The following TNC variants were observed in gnomAD, a reference collection of about 807,000 sequenced individuals.
TNC encodes the protein tenascin.
A neutral mutation model predicts 202.4 loss-of-function variants in TNC; 109 were observed. The observed-to-expected ratio is 0.54, with a 90% CI of 0.46 to 0.63. The LOEUF (loss-of-function observed/expected upper bound fraction) is 0.63, where lower values mean the gene tolerates loss of function less well. Ranked by LOEUF, TNC falls within the 30% of genes least tolerant of loss-of-function variation. The pLI is 0.00. For missense variants in TNC, 2,756 were observed against 2,833.3 expected (o/e 0.97, Z 0.62); for synonymous variants, 1,007 against 1,089.7 (o/e 0.92, Z 1.50).
intron 8 of TNC, 120 bp from the exon 9 acceptor site, chr9:115,076,241 AAAG>A (rs1833841829): frequency 7.0e-7 from 1 of 1,419,998 alleles, no homozygotes; most frequent in Admixed American, 1.7e-5. Context: ...ATGTTTTACA[AAAG>A]AACTCACTGC....
intron 15 of TNC, among the ~76,000 whole-genome samples, chr9:115,056,738 C>A (rs147315910): frequency 6.6e-6 from 1 of 152,078 alleles, no homozygotes; most frequent in African/African-American, 2.4e-5. Flanking sequence ...TTGGGTATTG[C>A]GAGGTCCAAG....
rs1388936020 is a variant in TNC at position 115,077,978 on chromosome 9, A to G, written c.2639T>C (p.Met880Thr). 3 of 1,614,034 alleles carry G rather than the reference A, an allele frequency of 1.9e-6. No homozygotes were observed. The highest frequency in any genetic ancestry group is 1.7e-5 in the Admixed American group (1 of 60,000). Reference sequence around the variant, plus strand: ...GGTCTCTTTGGCTGGGTTGCTTGACATGTCACCTCTGCGGGAGATGAGGGA... The same window carrying G: ...GGTCTCTTTGGCTGGGTTGCTTGACGTGTCACCTCTGCGGGAGATGAGGGA... ...EVSLISRRGDMSSNPAKETFT... is the reference protein window; with the variant it reads ...EVSLISRRGDTSSNPAKETFT... The change falls in exon 7 of 28, where the codon ATG (methionine) becomes ACG (threonine). Residue 880 changes from methionine to threonine, a missense_variant. Met to Thr is a moderately conservative substitution (Grantham distance 81). Transcript: ENST00000350763.
At chr9:115,078,855 G>A (rs1416356282) in intron 6 of TNC, among the ~76,000 whole-genome samples, 1 of 152,160 alleles carries the variant, frequency 6.6e-6, no homozygotes, top group African/African-American at 2.4e-5. Flanking sequence ...AGCACATTAT[G>A]CTGTTGGGCA....
intron 26 of TNC, among the ~76,000 whole-genome samples, chr9:115,026,099 C>G (rs1829456584): frequency 6.6e-6 from 1 of 152,190 alleles, no homozygotes; most frequent in Non-Finnish European, 1.5e-5. Flanking sequence ...GATGCAGAAT[C>G]TCAGCCCCAT....
At chr9:115,108,200 G>T (rs1836761041) in intron 1 of TNC, among the ~76,000 whole-genome samples, 1 of 152,272 alleles carries the variant, frequency 6.6e-6, no homozygotes. Flanking sequence ...AGATCTAGAT[G>T]AACAAGAGCA....
chr9:115,067,315 C>A (rs1355422767), intron 10 of TNC, among the ~76,000 whole-genome samples: 1 of 151,628 alleles, frequency 6.6e-6, no homozygotes, highest in Non-Finnish European at 1.5e-5. Context: ...CCTATGTCTT[C>A]TTAGCTCTCC....
chr9:115,072,256 G>A (rs1833523637), intron 10 of TNC, among the ~76,000 whole-genome samples: 1 of 152,172 alleles, frequency 6.6e-6, no homozygotes, highest in Admixed American at 6.5e-5. Context: ...GAACACAGAT[G>A]GAATGGCTGT....
chr9:115,109,757 T>G (rs1020579730), intron 1 of TNC, among the ~76,000 whole-genome samples: 1 of 152,226 alleles, frequency 6.6e-6, no homozygotes, highest in Non-Finnish European at 1.5e-5. Context: ...TGAGACAGTT[T>G]CCTGTCCTAG....
chr9:115,077,022 C>T (rs981829762), intron 7 of TNC, among the ~76,000 whole-genome samples: 4 of 151,834 alleles, frequency 2.6e-5, no homozygotes, highest in African/African-American at 9.7e-5. Flanking sequence ...CTCAGCCTCC[C>T]GAGTACCTGG....
intron 5 of TNC, among the ~76,000 whole-genome samples, 186 bp downstream of exon 5, chr9:115,082,502 CACTT>C (rs1256958474): frequency 6.6e-6 from 1 of 152,182 alleles, no homozygotes; most frequent in Non-Finnish European, 1.5e-5. Context: ...GTAAGTGCTA[CACTT>C]ACTTATTAAA....
At chr9:115,110,958 C>T (rs200927814) in intron 1 of TNC, among the ~76,000 whole-genome samples, 2 of 150,788 alleles carry the variant, frequency 1.3e-5, no homozygotes, top group East Asian at 3.9e-4. Flanking sequence ...CGGCTAACTG[C>T]AAGCTCCGCC....
intron 1 of TNC, among the ~76,000 whole-genome samples, chr9:115,109,809 C>T (rs1359758391): frequency 1.3e-5 from 2 of 152,234 alleles, no homozygotes; most frequent in African/African-American, 4.8e-5. Context: ...TGTCATCACA[C>T]TGCATACTTG....
At chr9:115,023,148 G>C (rs1174225020) in intron 27 of TNC, among the ~76,000 whole-genome samples, 1 of 152,126 alleles carries the variant, frequency 6.6e-6, no homozygotes, top group East Asian at 1.9e-4. Context: ...AAAGTCCTTG[G>C]GATTCCAGTG....
At chr9:115,037,485 T>C (rs756429702) in intron 20 of TNC, among the ~76,000 whole-genome samples, 2 of 152,316 alleles carry the variant, frequency 1.3e-5, no homozygotes, top group South Asian at 4.1e-4. Flanking sequence ...GCACTGATGG[T>C]TGCCAAACAA....
In TNC at chr9:115,115,034, A is replaced by G. The variant is rs541087488; in HGVS notation, c.-137+2948T>C. The G allele has an allele frequency of 2.0e-5, 3 of 152,344 alleles. No individual in the cohort carries two copies. In the South Asian group the frequency reaches 6.2e-4, roughly 32 times the overall value. 9.4% of individuals were successfully genotyped at this position (152,344 alleles called of 1,614,324 possible). ...CGTTTCAAACTGAAGTGGCTTCAGC[A>G]TGAAGGGGGCTGCGCTTTGGTCCAG... On this transcript the variant is annotated intron_variant, in intron 1 of 27. Transcript: ENST00000350763.
At chr9:115,106,863 G>C (rs183569446) in intron 1 of TNC, among the ~76,000 whole-genome samples, 1 of 152,154 alleles carries the variant, frequency 6.6e-6, no homozygotes. Context: ...ATTTGTATAA[G>C]TAAGGAAAGG....
Position 115,064,850 on chromosome 9 carries a change from G to A in TNC, c.3284C>T (p.Thr1095Ile), listed in dbSNP as rs986008941. 9 of 1,614,204 alleles carry A rather than the reference G, an allele frequency of 5.6e-6. No individual in the cohort carries two copies. In the African/African-American group the frequency reaches 9.3e-5, roughly 17 times the overall value. The change falls in exon 11 of 28, where the codon ACC becomes ATC. Residue 1095 changes from threonine to isoleucine, a missense_variant. Coordinates refer to ENST00000350763, the MANE Select transcript of TNC (RefSeq NM_002160.4). The part of the protein sequence containing the change: ...VGWDGLRLNW[T>I]AADQAYEHFI... ...GTGCTCATAGGCCTGGTCAGCTGCGGTCCAGTTGAGTCTGAGGCCATCCCA... is the reference window on the plus strand; with the variant it reads ...GTGCTCATAGGCCTGGTCAGCTGCGATCCAGTTGAGTCTGAGGCCATCCCA...
intron 1 of TNC, among the ~76,000 whole-genome samples, chr9:115,093,819 G>A (rs1484849982): frequency 6.6e-6 from 1 of 152,172 alleles, no homozygotes; most frequent in Admixed American, 6.5e-5. Flanking sequence ...TTCTCACTGT[G>A]TGTTTAAGAG....
At chr9:115,085,471 A>C (rs1191189023) in intron 3 of TNC, among the ~76,000 whole-genome samples, 2 of 152,220 alleles carry the variant, frequency 1.3e-5, no homozygotes, top group African/African-American at 2.4e-5. Flanking sequence ...AGAGTAGGAA[A>C]TAAAGTTGAT....
Sources: gnomAD v4.1 joint callset for allele counts (sites outside exome capture counted in the v4.1 genomes callset) on GRCh38, gnomAD v4.1.1 for gene constraint, MANE v1.5 for transcripts, NCBI Gene and HGNC (gene_info 2026-07-23, HGNC 2026-07-21) for gene names.